Variants in COLGALT2 observed in about 807,000 individuals in gnomAD.
The protein encoded by COLGALT2 is collagen beta(1-O)galactosyltransferase 2.
In COLGALT2, 49 loss-of-function variants were observed where a neutral mutation model predicts 73.4. The observed-to-expected ratio is 0.67, with a 90% confidence interval of 0.53 to 0.85. The LOEUF (loss-of-function observed/expected upper bound fraction) is 0.85. Ranked by LOEUF, COLGALT2 falls within the 40% of genes least tolerant of loss-of-function variation. The pLI is 0.00. For missense variants in COLGALT2, 722 were observed against 790.2 expected, an observed-to-expected ratio of 0.91 and a Z score of 1.03; for synonymous variants, 295 against 307.6, an observed-to-expected ratio of 0.96 and a Z score of 0.43.
intron 8 of COLGALT2, 46 bp downstream of exon 8, chr1:183,950,961 T>C: frequency 7.3e-7 from 1 of 1,368,810 alleles, no homozygotes; most frequent in Non-Finnish European, 1.0e-6. Context: ...AGAAGACACA[T>C]CCACACTCCA....
intron 1 of COLGALT2, among the ~76,000 whole-genome samples, chr1:184,034,279 T>A (rs1157281339): frequency 4.5e-5 from 1 of 22,048 alleles, no homozygotes; most frequent in Non-Finnish European, 8.1e-5. Context: ...CCCTATTATC[T>A]TTTTTTTTTT....
At chr1:183,993,017 A>G (rs974704938) in intron 1 of COLGALT2, among the ~76,000 whole-genome samples, 1 of 152,220 alleles carries the variant, frequency 6.6e-6, no homozygotes, top group African/African-American at 2.4e-5. Context: ...TGGCATCAGC[A>G]CTGGGTAAAG....
chr1:183,999,398 G>T (rs12746606), intron 1 of COLGALT2, among the ~76,000 whole-genome samples: 14,356 of 152,022 alleles, frequency 0.094, 870 homozygotes, highest in Admixed American at 0.17. Flanking sequence ...ATGTATATGG[G>T]TAAAATTAGG....
chr1:184,033,223 G>A (rs1283528087), intron 1 of COLGALT2, among the ~76,000 whole-genome samples: 1 of 152,168 alleles, frequency 6.6e-6, no homozygotes, highest in Non-Finnish European at 1.5e-5. Context: ...TCACTGTCAT[G>A]GTACTTGGCC....
At chr1:183,954,878 A>G (rs754790475) in intron 6 of COLGALT2, 40 bp from the exon 7 acceptor site, 1 of 1,471,334 alleles carries the variant, frequency 6.8e-7, no homozygotes, top group Non-Finnish European at 9.5e-7. Context: ...TTTGTTAATG[A>G]AAGGGTCAGA....
intron 6 of COLGALT2, among the ~76,000 whole-genome samples, chr1:183,960,936 T>C (rs1459929439): frequency 6.6e-6 from 1 of 152,230 alleles, no homozygotes; most frequent in Non-Finnish European, 1.5e-5. Flanking sequence ...TATTTACTGC[T>C]TATTGGGTTC....
intron 11 of COLGALT2, among the ~76,000 whole-genome samples, chr1:183,940,080 C>T (rs1019954060): frequency 1.3e-5 from 2 of 152,230 alleles, no homozygotes; most frequent in Admixed American, 6.5e-5. Context: ...CAGGTCCACA[C>T]TCCCTGAACC....
At chr1:183,991,438 G>A (rs1432118052) in intron 1 of COLGALT2, among the ~76,000 whole-genome samples, 1 of 152,138 alleles carries the variant, frequency 6.6e-6, no homozygotes, top group Non-Finnish European at 1.5e-5. Flanking sequence ...AAGAGAAAAA[G>A]TATAAATTTA....
chr1:184,000,710 C>G (rs751044493), intron 1 of COLGALT2, among the ~76,000 whole-genome samples: 1 of 151,768 alleles, frequency 6.6e-6, no homozygotes, highest in Non-Finnish European at 1.5e-5. Context: ...TCTTTACCTA[C>G]TAGTAAATTA....
At chr1:184,031,574 C>T (rs1189143884) in intron 1 of COLGALT2, among the ~76,000 whole-genome samples, 1 of 152,220 alleles carries the variant, frequency 6.6e-6, no homozygotes, top group Admixed American at 6.5e-5. Flanking sequence ...ACTAATTGGT[C>T]TTTTCACAAT....
intron 1 of COLGALT2, among the ~76,000 whole-genome samples, chr1:184,019,938 A>C (rs566390734): frequency 2.6e-5 from 4 of 152,194 alleles, no homozygotes; most frequent in Non-Finnish European, 4.4e-5. Context: ...GCATGCTGTA[A>C]ATTTAGCAGG....
At chr1:183,969,186 T>TC in intron 5 of COLGALT2, 83 bp downstream of exon 5, 1 of 1,252,284 alleles carries the variant, frequency 8.0e-7, no homozygotes, top group South Asian at 1.5e-5. Flanking sequence ...AGGGTTTTTT[T>TC]TTTTAATAAA....
At chr1:184,016,394 A>C (rs1649000083) in intron 1 of COLGALT2, among the ~76,000 whole-genome samples, 1 of 152,264 alleles carries the variant, frequency 6.6e-6, no homozygotes, top group South Asian at 2.1e-4. Context: ...TGCTAATTTT[A>C]TCAGCAGCGA....
chr1:184,037,474 G>T lies in COLGALT2; in HGVS notation c.-117C>A, dbSNP rs1649731841. ...CTGCGAGGGGCGGCCGGGGGATGCG[G>T]CTTGCCGCGGCCGGCCGGCTCACAC... On this transcript the variant is annotated 5_prime_UTR_variant, in exon 1 of 12. Coordinates refer to ENST00000361927, the MANE Select transcript of COLGALT2 (RefSeq NM_015101.4). 1 of 1,192,558 alleles carries T rather than the reference G, an allele frequency of 8.4e-7. No homozygotes were observed. Among genetic ancestry groups the T allele is most frequent in the Non-Finnish European group, 1.0e-6 (1 of 964,342 alleles). 73.9% of individuals were successfully genotyped at this position (1,192,558 alleles called of 1,614,324 possible).
chr1:183,962,401 C>T (rs1670736787), intron 6 of COLGALT2, among the ~76,000 whole-genome samples: 1 of 151,926 alleles, frequency 6.6e-6, no homozygotes, highest in Non-Finnish European at 1.5e-5. Flanking sequence ...TCAGGTGATC[C>T]ACCTGCCTCA....
chr1:184,021,108 G>A (rs1033346146), intron 1 of COLGALT2, among the ~76,000 whole-genome samples: 1 of 152,140 alleles, frequency 6.6e-6, no homozygotes, highest in Non-Finnish European at 1.5e-5. Context: ...AATACCAGGA[G>A]GCAAGGATCA....
chr1:183,936,795 A>T lies in COLGALT2; in HGVS notation c.*1966T>A, dbSNP rs1461435428. ...CTGACAGCTAAGTCTAAGCGGCACAATTTAGAGTTGGGTGAGTTCCCTTTC... is the reference window on the plus strand; with the variant it reads ...CTGACAGCTAAGTCTAAGCGGCACATTTTAGAGTTGGGTGAGTTCCCTTTC... On this transcript the variant is annotated 3_prime_UTR_variant, in exon 12 of 12. Coordinates refer to ENST00000361927, the MANE Select transcript of COLGALT2 (RefSeq NM_015101.4). 3.2e-6 allele frequency: 4 copies of T among 1,231,556 alleles called. No individual in the cohort carries two copies. The highest frequency in any genetic ancestry group is 4.0e-6 in the Non-Finnish European group (4 of 987,938). 76.3% of individuals were successfully genotyped at this position (1,231,556 alleles called of 1,614,324 possible).
intron 1 of COLGALT2, among the ~76,000 whole-genome samples, chr1:184,028,981 C>T (rs1649415622): frequency 6.6e-6 from 1 of 152,180 alleles, no homozygotes; most frequent in Non-Finnish European, 1.5e-5. Flanking sequence ...GTTACAAAGT[C>T]AGCCCTAGCA....
chr1:184,037,128 C>G lies in COLGALT2; in HGVS notation c.230G>C (p.Arg77Pro). ...CATCCTGCTCTTGGGGTAGTCCAGC[C>G]GCTCCAGGCAGCCGAGGAAGTGCGG... ...TLPHFLGCLE[R>P]LDYPKSRMAI... The change falls in exon 1 of 12, where the codon CGG becomes CCG. Residue 77 changes from arginine to proline, a missense_variant. Arg to Pro is a moderately radical substitution (Grantham distance 103). Transcript: ENST00000361927. 1 of 1,597,406 alleles carries G rather than the reference C, an allele frequency of 6.3e-7. No individual in the cohort carries two copies. The highest frequency in any genetic ancestry group is 8.5e-7 in the Non-Finnish European group (1 of 1,173,992).
Sources: allele counts gnomAD v4.1 joint callset (sites outside exome capture counted in the v4.1 genomes callset), GRCh38; gene constraint gnomAD v4.1.1; transcripts MANE v1.5; gene names NCBI Gene and HGNC (gene_info 2026-07-23, HGNC 2026-07-21).